WDR37: variants seen among roughly 807,000 people sequenced by gnomAD.
WDR37 encodes WD repeat domain 37.
Under a neutral mutation model 62.9 loss-of-function variants are expected in WDR37, and 19 were observed. The ratio of observed to expected loss-of-function variants is 0.30; its 90% CI spans 0.21 to 0.44. The LOEUF (loss-of-function observed/expected upper bound fraction) is 0.44, where lower values mean the gene tolerates loss of function less well. Ranked by LOEUF, WDR37 falls within the 20% of genes least tolerant of loss-of-function variation. The pLI is 1.00. For missense variants in WDR37, 474 were observed against 657.6 expected, an observed-to-expected ratio of 0.72 and a Z score of 3.05; for synonymous variants, 250 against 260.9, an observed-to-expected ratio of 0.96 and a Z score of 0.40.
chr10:1,091,016 A>G (rs927748450), intron 7 of WDR37, among the ~76,000 whole-genome samples: 1 of 152,222 alleles, frequency 6.6e-6, no homozygotes, highest in African/African-American at 2.4e-5. Flanking sequence ...CTCGTTATAC[A>G]GGCGTGGTTT....
intron 9 of WDR37, among the ~76,000 whole-genome samples, chr10:1,101,691 G>A (rs1005161193): frequency 6.6e-6 from 1 of 152,076 alleles, no homozygotes; most frequent in Non-Finnish European, 1.5e-5. Flanking sequence ...CCAGTCTCCC[G>A]GGATTACAGG....
At chr10:1,112,856 A>G (rs1252874399) in intron 11 of WDR37, among the ~76,000 whole-genome samples, 1 of 152,226 alleles carries the variant, frequency 6.6e-6, no homozygotes, top group Admixed American at 6.5e-5. Flanking sequence ...TATGAGGTTT[A>G]AGGAAGGAAG....
chr10:1,066,574 G>C (rs1478620046), intron 1 of WDR37, among the ~76,000 whole-genome samples: 1 of 152,168 alleles, frequency 6.6e-6, no homozygotes. Flanking sequence ...ATCCCAGCAA[G>C]ATTTTTGTAG....
At chr10:1,070,953 A>G (rs1346879601) in intron 1 of WDR37, among the ~76,000 whole-genome samples, 4 of 152,218 alleles carry the variant, frequency 2.6e-5, no homozygotes, top group Non-Finnish European at 4.4e-5. Context: ...GCACCTGGTA[A>G]TGTCTAAGGA....
chr10:1,105,305 GA>G lies in WDR37; in HGVS notation c.1103+43del, dbSNP rs760894024. 1.9e-6 allele frequency: 3 copies of G among 1,586,902 alleles called. No individual in the cohort carries two copies. The South Asian group carries it at 3.4e-5, about 18-fold the overall frequency. On this transcript the variant is annotated intron_variant, in intron 11 of 13. Transcript: ENST00000263150. This position sits in a 1 kb window ranked among gnomAD's most constrained non-coding sequence, Gnocchi z 5.3. ...AGTTTAGACATCTGTCCTTAGTCAT[GA>G]AAAAGTTCTGTGGGTTGACATGAAA...
At chr10:1,113,057 A>T (rs569213450) in intron 11 of WDR37, among the ~76,000 whole-genome samples, 1 of 147,542 alleles carries the variant, frequency 6.8e-6, no homozygotes, top group East Asian at 2.0e-4. Context: ...AGAGAAGAGA[A>T]GTCACTGCCT....
chr10:1,095,823 T>G (rs117880524), intron 8 of WDR37, among the ~76,000 whole-genome samples: 17 of 152,314 alleles, frequency 1.1e-4, no homozygotes, highest in African/African-American at 3.6e-4. Context: ...CAGAGTTGAT[T>G]GCAGCTGTAA....
chr10:1,099,156 C>T (rs1397047645), intron 9 of WDR37, among the ~76,000 whole-genome samples: 2 of 152,220 alleles, frequency 1.3e-5, no homozygotes, highest in Non-Finnish European at 2.9e-5. Flanking sequence ...GCCTTGTGCT[C>T]TCTGCAGTAG....
intron 9 of WDR37, among the ~76,000 whole-genome samples, chr10:1,099,131 C>A (rs1026011261): frequency 6.6e-6 from 1 of 152,192 alleles, no homozygotes; most frequent in African/African-American, 2.4e-5. Context: ...TCATAAAATT[C>A]TTCACTTACT....
At chr10:1,125,889 T>C (rs1835728808) in intron 13 of WDR37, among the ~76,000 whole-genome samples, 2 of 152,362 alleles carry the variant, frequency 1.3e-5, no homozygotes, top group South Asian at 4.1e-4. Flanking sequence ...TCTCGCTATG[T>C]GCTGTTCAGC....
At chr10:1,119,439 C>T (rs1213573704) in intron 11 of WDR37, among the ~76,000 whole-genome samples, 2 of 152,224 alleles carry the variant, frequency 1.3e-5, no homozygotes, top group Non-Finnish European at 2.9e-5. Flanking sequence ...TCAGGTTATA[C>T]TGAACTAAAT....
intron 11 of WDR37, among the ~76,000 whole-genome samples, chr10:1,110,875 G>C (rs7922760): frequency 0.77 from 117,105 of 152,256 alleles, 45,198 homozygotes; most frequent in South Asian, 0.9. Flanking sequence ...TGGGAATGTT[G>C]GCCCAGGGCC....
rs74117691 is a variant in WDR37, at chr10:1,065,660, A to G, written c.-40-6456A>G. Among the ~76,000 whole-genome samples the G allele has an allele frequency of 8.4e-3, 1,285 of 152,266 alleles. 13 individuals are homozygous for G. The highest frequency in any genetic ancestry group is 0.021 in the African/African-American group (866 of 41,546). On this transcript the variant is annotated intron_variant, in intron 1 of 13. Coordinates refer to ENST00000263150, the MANE Select transcript of WDR37 (RefSeq NM_014023.4). ...ATTCGTGAAAGAAACTCAGAAAATG[A>G]ATGATAGAGGGAAACGTTTTCAACT...
At position 1,105,086 on chromosome 10, in the gene WDR37, C is replaced by T. The variant is rs748748816; in HGVS notation, c.962-40C>T. ...TGAAAAGCGTCTCTCTCAGCGTGCT[C>T]CTCAGGTGATGACCTTGTGTTTTGC... On this transcript the variant is annotated intron_variant, in intron 10 of 13. Coordinates refer to ENST00000263150, the MANE Select transcript of WDR37 (RefSeq NM_014023.4). The surrounding 1 kb of genome is among the most constrained non-coding windows in gnomAD (Gnocchi z 5.3). 6.2e-7 allele frequency: 1 copy of T among 1,609,398 alleles called. No individual in the cohort carries two copies. The highest frequency in any genetic ancestry group is 1.3e-5 in the African/African-American group (1 of 74,822).
At position 1,124,331 on chromosome 10, in the gene WDR37, G is replaced by A. The variant is rs1181124456; in HGVS notation, c.1217G>A (p.Arg406His). ...KNMRSPIATI[R>H]TDSAINRINV... ...ATGAGATCCCCCATTGCAACTATTC[G>A]CACGGACTCTGCCATTAACAGGTAA... Residue 406 changes from arginine (R) to histidine (H), a missense_variant, in exon 12 of 14, where the codon CGC (arginine) becomes CAC (histidine). By Grantham distance (29) the Arg-to-His change is conservative. Transcript: ENST00000263150. 4 of 1,614,026 alleles carry A rather than the reference G, an allele frequency of 2.5e-6. No homozygotes were observed. The highest frequency in any genetic ancestry group is 3.4e-6 in the Non-Finnish European group (4 of 1,180,050).
chr10:1,082,565 C>T (rs548892518), intron 5 of WDR37, among the ~76,000 whole-genome samples: 11 of 152,302 alleles, frequency 7.2e-5, no homozygotes, highest in Non-Finnish European at 1.0e-4. Context: ...CGTCAGTTTG[C>T]GGCTTTGTTC....
At position 1,059,541 on chromosome 10, in the gene WDR37, G is replaced by A. The variant is rs1307009727; in HGVS notation, c.-41+2573G>A. On this transcript the variant is annotated intron_variant, in intron 1 of 13. Coordinates refer to ENST00000263150, the MANE Select transcript of WDR37 (RefSeq NM_014023.4). The stretch of plus-strand genomic sequence containing the variant: ...TGGCCAGGCGCAGTGGCTCATGCCT[G>A]TAATCCCAGCACTTTGGGAGGCTGG... Among the ~76,000 whole-genome samples the A allele has an allele frequency of 2.6e-5, 4 of 152,134 alleles. No homozygotes were observed. The East Asian group carries it at 7.7e-4, about 29-fold the overall frequency.
intron 1 of WDR37, among the ~76,000 whole-genome samples, chr10:1,059,005 A>T (rs1162165209): frequency 1.3e-5 from 2 of 152,262 alleles, no homozygotes; most frequent in African/African-American, 4.8e-5. Flanking sequence ...TTGATGAAAG[A>T]AAAATGTTTA....
Position 1,131,868 on chromosome 10 carries a change from A to G in WDR37, c.*2524A>G, listed in dbSNP as rs1450242111. The G allele has an allele frequency of 6.6e-6, 1 of 152,588 alleles. No individual in the cohort carries two copies. Among genetic ancestry groups the G allele is most frequent in the Non-Finnish European group, 1.5e-5 (1 of 68,030 alleles). 9.5% of individuals were successfully genotyped at this position (152,588 alleles called of 1,614,324 possible). On this transcript the variant is annotated 3_prime_UTR_variant, in exon 14 of 14. Transcript: ENST00000263150. ...AATGTGTGGTTACTGAAAACTGTAT[A>G]TGATACAGAATTTCATAAGAGCCAT...
Sources: allele counts gnomAD v4.1 joint callset (sites outside exome capture counted in the v4.1 genomes callset), GRCh38; gene constraint gnomAD v4.1.1; non-coding constraint Gnocchi (gnomAD v3.1); transcripts MANE v1.5; gene names NCBI Gene and HGNC (gene_info 2026-07-23, HGNC 2026-07-21).